Variants in SDK1 observed in about 807,000 individuals in gnomAD.
The protein encoded by SDK1 is protein sidekick-1.
A neutral mutation model predicts 245.5 loss-of-function variants in SDK1; 157 were observed. That is an observed-to-expected ratio of 0.64 (90% CI 0.56 to 0.73). The LOEUF (loss-of-function observed/expected upper bound fraction) is 0.73, where lower values mean the gene tolerates loss of function less well. SDK1 is among the 30% of genes least tolerant of loss of function. SDK1 has a pLI of 0.00. For missense variants in SDK1, 3,583 were observed against 3,002.3 expected (o/e 1.19, Z -4.52); for synonymous variants, 1,647 against 1,278.5 (o/e 1.29, Z -6.15).
At chr7:3,489,173 TA>T (rs1001025553) in intron 1 of SDK1, among the ~76,000 whole-genome samples, 1 of 152,020 alleles carries the variant, frequency 6.6e-6, no homozygotes, top group African/African-American at 2.4e-5. Context: ...AATTTAAGGC[TA>T]GGGGTGGGTG....
At chr7:3,682,401 A>T (rs1784128139) in intron 4 of SDK1, among the ~76,000 whole-genome samples, 1 of 152,124 alleles carries the variant, frequency 6.6e-6, no homozygotes, top group Non-Finnish European at 1.5e-5. Flanking sequence ...AGGGGAAGAA[A>T]ACTCCTCTAT....
intron 4 of SDK1, among the ~76,000 whole-genome samples, chr7:3,699,696 A>G (rs762138991): frequency 1.3e-5 from 2 of 152,218 alleles, no homozygotes; most frequent in African/African-American, 4.8e-5. Context: ...GAAGAAGAGA[A>G]AGAGGGTAGA....
chr7:3,374,876 G>A (rs142655679), intron 1 of SDK1, among the ~76,000 whole-genome samples: 1 of 152,234 alleles, frequency 6.6e-6, no homozygotes, highest in Non-Finnish European at 1.5e-5. Flanking sequence ...ACAGCACTTA[G>A]GTGTAATCAT....
chr7:4,056,954 G>T (rs1012160851), intron 19 of SDK1, among the ~76,000 whole-genome samples: 1 of 152,156 alleles, frequency 6.6e-6, no homozygotes, highest in Admixed American at 6.5e-5. Context: ...CACCACCACT[G>T]CTGGCTGCTG....
rs748816146 is a variant in SDK1, at chr7:4,175,732, TC to T, written c.4937-40del. 1.9e-6 allele frequency: 3 copies of T among 1,549,112 alleles called. No homozygotes were observed. In the African/African-American group the frequency reaches 4.1e-5, roughly 21 times the overall value. ...CCGCACATCACCTGCGATGGCCGTG[TC>T]CCTGCGTGCTAACCACCTTTCTGCT... On this transcript the variant is annotated intron_variant, in intron 33 of 44. Coordinates refer to ENST00000404826, the MANE Select transcript of SDK1 (RefSeq NM_152744.4).
At chr7:3,596,457 G>A (rs939526577) in intron 1 of SDK1, among the ~76,000 whole-genome samples, 1 of 152,134 alleles carries the variant, frequency 6.6e-6, no homozygotes, top group African/African-American at 2.4e-5. Flanking sequence ...ATTTTTAATT[G>A]AGGTAAAATG....
At chr7:3,642,926 C>T (rs897661549) in intron 4 of SDK1, 1 of 152,236 alleles carries the variant, frequency 6.6e-6, no homozygotes, top group South Asian at 2.1e-4. Flanking sequence ...GATAAAAATT[C>T]ATCAGGAGCA....
intron 5 of SDK1, among the ~76,000 whole-genome samples, chr7:3,829,697 A>C (rs1411461401): frequency 6.6e-6 from 1 of 152,204 alleles, no homozygotes; most frequent in Non-Finnish European, 1.5e-5. Context: ...GAGGCCATCC[A>C]GCAGGAAGGC....
In SDK1 at chr7:4,065,609, C is replaced by T. The variant is rs150385408; in HGVS notation, c.2912-2229C>T. On this transcript the variant is annotated intron_variant, in intron 19 of 44. Coordinates refer to ENST00000404826, the MANE Select transcript of SDK1 (RefSeq NM_152744.4). ...ACAGCCATTCTATTTTACCATCTTC[C>T]ACACTAGAAAAGTGAAATTTATCAG... Among the ~76,000 whole-genome samples, 15 of 150,982 alleles carry T rather than the reference C, an allele frequency of 9.9e-5. No individual in the cohort carries two copies. The East Asian group carries it at 2.8e-3, about 28-fold the overall frequency.
At chr7:3,522,155 CTT>C (rs111709117) in intron 1 of SDK1, among the ~76,000 whole-genome samples, 1 of 149,716 alleles carries the variant, frequency 6.7e-6, no homozygotes, top group African/African-American at 2.4e-5. Context: ...TATACAATAA[CTT>C]TTTTTTTTGA....
At chr7:4,043,501 GC>G (rs1788795187) in intron 17 of SDK1, among the ~76,000 whole-genome samples, 1 of 152,218 alleles carries the variant, frequency 6.6e-6, no homozygotes, top group African/African-American at 2.4e-5. Flanking sequence ...GAGTGTGAGA[GC>G]TCGTGATTTT....
At chr7:3,618,033 C>T (rs983413708) in intron 1 of SDK1, among the ~76,000 whole-genome samples, 2 of 152,006 alleles carry the variant, frequency 1.3e-5, no homozygotes, top group African/African-American at 2.4e-5. Context: ...AGAAAAATGA[C>T]GAGTCATATA....
intron 20 of SDK1, among the ~76,000 whole-genome samples, chr7:4,074,926 T>G (rs1408370884): frequency 7.8e-6 from 1 of 127,592 alleles, no homozygotes; most frequent in Non-Finnish European, 1.6e-5. Context: ...ATTTTTTTTT[T>G]TTTTTAATAA....
intron 44 of SDK1, among the ~76,000 whole-genome samples, chr7:4,249,291 G>A (rs557372581): frequency 6.6e-6 from 1 of 152,298 alleles, no homozygotes; most frequent in East Asian, 1.9e-4. Flanking sequence ...GCAGACCTCA[G>A]CATCTAACTG....
chr7:3,336,799 GTGAGCTGA>G (rs535395231), intron 1 of SDK1, among the ~76,000 whole-genome samples: 7 of 152,206 alleles, frequency 4.6e-5, no homozygotes, highest in Non-Finnish European at 8.8e-5. Flanking sequence ...GAAAGTGTCA[GTGAGCTGA>G]ACTCTCACCC....
chr7:3,821,651 T>C, intron 5 of SDK1, 68 bp downstream of exon 5: 1 of 1,528,442 alleles, frequency 6.5e-7, no homozygotes, highest in Non-Finnish European at 8.9e-7. Flanking sequence ...GTAACCACTG[T>C]CTGACAGGAC....
intron 1 of SDK1, among the ~76,000 whole-genome samples, chr7:3,568,130 C>G (rs1052949083): frequency 1.5e-4 from 23 of 152,156 alleles, no homozygotes; most frequent in African/African-American, 5.3e-4. Flanking sequence ...CTCCGTGGTT[C>G]TTTGAACAAT....
chr7:3,434,513 C>G lies in SDK1; in HGVS notation c.298+132629C>G, dbSNP rs566796045. Among the ~76,000 whole-genome samples the G allele has an allele frequency of 6.6e-5, 10 of 152,276 alleles. No homozygotes were observed. In the East Asian group the frequency reaches 1.9e-3, roughly 29 times the overall value. On this transcript the variant is annotated intron_variant, in intron 1 of 44. Transcript: ENST00000404826. ...CAGCTAACATTTATTAAGGATCTTG[C>G]ATGTTTTTCATTTTAATCCTCACAG...
At chr7:3,992,367 C>T (rs547637502) in intron 14 of SDK1, among the ~76,000 whole-genome samples, 2 of 152,322 alleles carry the variant, frequency 1.3e-5, no homozygotes, top group African/African-American at 4.8e-5. Flanking sequence ...GATGGTTCTC[C>T]TGTCCCAGGT....
Sources: gnomAD v4.1 joint callset for allele counts (sites outside exome capture counted in the v4.1 genomes callset) on GRCh38, gnomAD v4.1.1 for gene constraint, MANE v1.5 for transcripts, NCBI Gene and HGNC (gene_info 2026-07-23, HGNC 2026-07-21) for gene names.